The following SERPINA1 variants were observed in gnomAD, a reference collection of about 807,000 sequenced individuals.
SERPINA1 encodes the protein alpha-1-antitrypsin.
SERPINA1 carries 21 observed loss-of-function variants against 25.4 expected under a neutral mutation model. The ratio of observed to expected loss-of-function variants is 0.83; its 90% CI spans 0.59 to 1.19. The LOEUF (loss-of-function observed/expected upper bound fraction) is 1.19. Ranked by LOEUF, SERPINA1 falls within the 50% of genes most tolerant of loss-of-function variation. SERPINA1 has a pLI of 0.00. For missense variants in SERPINA1, 546 were observed against 509.0 expected, an observed-to-expected ratio of 1.07 and a Z score of -0.70; for synonymous variants, 218 against 211.1, an observed-to-expected ratio of 1.03 and a Z score of -0.29.
At chr14:94,381,243 C>A in intron 2 of SERPINA1, 102 bp from the exon 3 acceptor site, 1 of 1,208,638 alleles carries the variant, frequency 8.3e-7, no homozygotes, top group South Asian at 1.3e-5. Flanking sequence ...AAGCCCTGAG[C>A]CCCCTTGACG....
At chr14:94,379,043 G>C in intron 4 of SERPINA1, 1 of 524,700 alleles carries the variant, frequency 1.9e-6, no homozygotes, top group Non-Finnish European at 3.4e-6. Context: ...TTCATTGGTC[G>C]CCTTTAGTTT....
chr14:94,382,148 T>A (rs1896971293), intron 2 of SERPINA1, among the ~76,000 whole-genome samples: 1 of 152,254 alleles, frequency 6.6e-6, no homozygotes. Context: ...AGAGGTAGAA[T>A]GCATTGTTTT....
chr14:94,380,635 G>C, intron 3 of SERPINA1: 2 of 587,898 alleles, frequency 3.4e-6, no homozygotes, highest in Non-Finnish European at 6.1e-6. Context: ...GAAGTCCCCA[G>C]GGACGAGACC....
chr14:94,384,061 C>T (rs1036873434), intron 1 of SERPINA1: 1 of 152,188 alleles, frequency 6.6e-6, no homozygotes, highest in Admixed American at 6.5e-5. Context: ...AATGGTGTCC[C>T]AGTTCTGGGC....
At chr14:94,378,835 T>C (rs1195345728) in intron 4 of SERPINA1, among the ~76,000 whole-genome samples, 195 bp from the exon 5 acceptor site, 1 of 152,250 alleles carries the variant, frequency 6.6e-6, no homozygotes, top group Admixed American at 6.5e-5. Context: ...CTGTCCATCT[T>C]CCTGACAAGC....
chr14:94,383,468 C>T, intron 1 of SERPINA1: 1 of 582,806 alleles, frequency 1.7e-6, no homozygotes, highest in South Asian at 2.2e-5. Context: ...TAATTCATTG[C>T]TTTCTTGTAA....
chr14:94,387,784 T>C (rs1437401185), intron 1 of SERPINA1, among the ~76,000 whole-genome samples: 2 of 152,200 alleles, frequency 1.3e-5, no homozygotes, highest in African/African-American at 4.8e-5. Flanking sequence ...TGTCCCCATC[T>C]TCCTCATCTG....
chr14:94,380,760 G>C (rs1896842113), intron 3 of SERPINA1, 111 bp downstream of exon 3: 1 of 1,374,950 alleles, frequency 7.3e-7, no homozygotes, highest in African/African-American at 1.4e-5. Flanking sequence ...AGTGACCCAG[G>C]GATGTGGGGT....
Position 94,379,446 on chromosome 14 carries a change from T to C in SERPINA1, c.1065+18A>G. On this transcript the variant is annotated intron_variant, in intron 4 of 4. Coordinates refer to ENST00000393087, the MANE Select transcript of SERPINA1 (RefSeq NM_000295.5). ...CTACAGATACCAGGGTGCAACAAGG[T>C]CGTCAGGGTGATCTCACCTTGGAGA... The C allele has an allele frequency of 6.2e-7, 1 of 1,613,866 alleles. No homozygotes were observed. The highest frequency in any genetic ancestry group is 8.5e-7 in the Non-Finnish European group (1 of 1,180,010).
chr14:94,390,120 C>T (rs1460422931), upstream of SERPINA1, among the ~76,000 whole-genome samples: 2 of 152,134 alleles, frequency 1.3e-5, no homozygotes, highest in Non-Finnish European at 2.9e-5. Context: ...TTCAGTTACC[C>T]TGTGAAGGGA....
rs1054402065 is a variant in SERPINA1 at position 94,376,760 on chromosome 14, G to C, written c.*1689C>G. The C allele has an allele frequency of 6.6e-6, 1 of 152,240 alleles. No homozygotes were observed. Among genetic ancestry groups the C allele is most frequent in the Non-Finnish European group, 1.5e-5 (1 of 68,040 alleles). The allele number at this position is 152,240 out of a possible 1,614,324, so 9.4% of individuals were successfully genotyped here. A position where few individuals can be genotyped will look rare whatever the true frequency, so the allele number is the denominator to read the frequency against. ...AAAGCTCATAAGTGCAAGAAATGTA[G>C]TTCTATTTATTCTCTGTTCTAATGG... On this transcript the variant is annotated 3_prime_UTR_variant, in exon 5 of 5. Coordinates refer to ENST00000393087, the MANE Select transcript of SERPINA1 (RefSeq NM_000295.5).
Position 94,380,984 on chromosome 14 carries a change from G to A in SERPINA1, c.804C>T (p.Tyr268=), listed in dbSNP as rs1270720700. ...AGAAGATGGCGGTGGCATTGCCCAGGTATTTCATCAGCAGCACCCAGCTGG... is the reference window on the plus strand; with the variant it reads ...AGAAGATGGCGGTGGCATTGCCCAGATATTTCATCAGCAGCACCCAGCTGG... ...KLSSWVLLMK[Y]LGNATAIFFL... is the part of the protein sequence containing the mutation. Residue 268 remains tyrosine (Y), a synonymous_variant, in exon 3 of 5, where the codon TAC becomes TAT. Coordinates refer to ENST00000393087, the MANE Select transcript of SERPINA1 (RefSeq NM_000295.5). The A allele has an allele frequency of 1.2e-6, 2 of 1,614,108 alleles. No individual in the cohort carries two copies. The highest frequency in any genetic ancestry group is 8.5e-7 in the Non-Finnish European group (1 of 1,180,026).
intron 1 of SERPINA1, among the ~76,000 whole-genome samples, chr14:94,386,109 G>T (rs1327703104): frequency 6.6e-6 from 1 of 152,184 alleles, no homozygotes; most frequent in Admixed American, 6.5e-5. Context: ...CTCTCTCCTG[G>T]CCCTTCTATC....
intron 2 of SERPINA1, 131 bp downstream of exon 2, chr14:94,382,461 C>T (rs898961233): frequency 1.2e-5 from 13 of 1,053,580 alleles, no homozygotes; most frequent in African/African-American, 3.2e-5. Context: ...GTGTAGAAAA[C>T]TGAAGAATCC....
At chr14:94,386,792 C>T (rs539991843) in intron 1 of SERPINA1, among the ~76,000 whole-genome samples, 1 of 152,316 alleles carries the variant, frequency 6.6e-6, no homozygotes, top group South Asian at 2.1e-4. Context: ...TACTGCCTGC[C>T]AGCTGCCTAA....
At chr14:94,380,700 C>T in intron 3 of SERPINA1, 171 bp downstream of exon 3, 1 of 809,228 alleles carries the variant, frequency 1.2e-6, no homozygotes. Flanking sequence ...ATGGCGCTGC[C>T]TGAACTCAGT....
chr14:94,384,713 A>C (rs200619887), intron 1 of SERPINA1, among the ~76,000 whole-genome samples: 2 of 152,328 alleles, frequency 1.3e-5, no homozygotes, highest in East Asian at 3.8e-4. Context: ...ACAAAACCAA[A>C]ACCATCATCT....
rs1474663840 is a variant in SERPINA1, at chr14:94,377,037, G to A, written c.*1412C>T. 2.0e-5 allele frequency: 3 copies of A among 152,224 alleles called. No individual in the cohort carries two copies. The highest frequency in any genetic ancestry group is 4.4e-5 in the Non-Finnish European group (3 of 68,044). 9.4% of individuals were successfully genotyped at this position (152,224 alleles called of 1,614,324 possible). On this transcript the variant is annotated 3_prime_UTR_variant, in exon 5 of 5. Transcript: ENST00000393087. The stretch of plus-strand genomic sequence containing the variant: ...GTCAGTGAGTAAGCTTAAGAGAACA[G>A]GAGACTTGTGTGGGAAACAGTCGGT...
rs369349563 is a variant in SERPINA1 at position 94,379,628 on chromosome 14, A to G, written c.918-17T>C. The G allele has an allele frequency of 3.7e-6, 6 of 1,614,028 alleles. No individual in the cohort carries two copies. The African/African-American group carries it at 8.0e-5, about 22-fold the overall frequency. On this transcript the variant is annotated splice_polypyrimidine_tract_variant and intron_variant, in intron 3 of 4. Transcript: ENST00000393087. ...CTGGCAGACCTGTCGTGCAGAAAAG[A>G]AATTCAAGGCATGGCACAGCATTCC...
Sources: gnomAD v4.1 joint callset for allele counts (sites outside exome capture counted in the v4.1 genomes callset) on GRCh38, gnomAD v4.1.1 for gene constraint, MANE v1.5 for transcripts, NCBI Gene and HGNC (gene_info 2026-07-23, HGNC 2026-07-21) for gene names.